The following LRRTM3 variants were observed in gnomAD, a reference collection of about 807,000 sequenced individuals.
LRRTM3 encodes leucine rich repeat transmembrane neuronal 3.
A neutral mutation model predicts 44.7 loss-of-function variants in LRRTM3; 24 were observed. The ratio of observed to expected loss-of-function variants is 0.54; its 90% CI spans 0.39 to 0.76. The LOEUF (loss-of-function observed/expected upper bound fraction) is 0.76, where lower values mean the gene tolerates loss of function less well. Ranked by LOEUF, LRRTM3 falls within the 30% of genes least tolerant of loss-of-function variation. The pLI, the probability that LRRTM3 is intolerant of heterozygous loss-of-function variation, is 0.00. For missense variants in LRRTM3, 587 were observed against 702.2 expected, an observed-to-expected ratio of 0.84 and a Z score of 1.85; for synonymous variants, 277 against 278.7, an observed-to-expected ratio of 0.99 and a Z score of 0.06.
In LRRTM3 at chr10:66,927,281, C is replaced by T; in HGVS notation, c.365C>T (p.Ser122Phe). 6.2e-7 allele frequency: 1 copy of T among 1,614,076 alleles called. No individual in the cohort carries two copies. The highest frequency in any genetic ancestry group is 8.5e-7 in the Non-Finnish European group (1 of 1,180,018). Residue 122 changes from serine to phenylalanine, a missense_variant, in exon 2 of 3, where the codon TCC becomes TTC. Physicochemically the swap from Ser to Phe is radical, Grantham distance 155. This residue lies in a region of LRRTM3 where 222 missense variants were observed against 323.3 expected (regional missense o/e 0.69). Coordinates refer to ENST00000361320, the MANE Select transcript of LRRTM3 (RefSeq NM_178011.5). This position sits in a 1 kb window ranked among gnomAD's most constrained non-coding sequence, Gnocchi z 4.7. Reference protein sequence around the residue: ...KELILSSNRISYFLNNTFRPV... With the variant: ...KELILSSNRIFYFLNNTFRPV... ...CTGATTCTTAGTTCCAATAGAATCT[C>T]CTATTTTCTTAACAATACCTTCAGA...
At chr10:66,948,902 G>C (rs1264573882) in intron 2 of LRRTM3, among the ~76,000 whole-genome samples, 1 of 152,070 alleles carries the variant, frequency 6.6e-6, no homozygotes, top group Non-Finnish European at 1.5e-5. Context: ...TGTCAAGTGT[G>C]GGTCTCTTAA....
At chr10:67,036,246 G>A (rs1296891276) in intron 2 of LRRTM3, among the ~76,000 whole-genome samples, 1 of 151,804 alleles carries the variant, frequency 6.6e-6, no homozygotes, top group East Asian at 1.9e-4. Flanking sequence ...TCAACCTCCT[G>A]GGCTCAAGAG....
rs1014998717 is a variant in LRRTM3, at chr10:66,928,103, C to T, written c.1187C>T (p.Pro396Leu). ...RPKHESKPPL[P>L]PTVGATEPGP... ...AAGCATGAGAGCAAACCCCCTTTGC[C>T]CCCGACGGTGGGAGCCACAGAGCCC... Residue 396 changes from proline to leucine, a missense_variant, in exon 2 of 3, where the codon CCC becomes CTC. Physicochemically the swap from Pro to Leu is moderately conservative, Grantham distance 98. Around this residue, in one of 3 missense-constraint regions of LRRTM3, gnomAD observed 315 missense variants for 335.6 expected, o/e 0.94. Coordinates refer to ENST00000361320, the MANE Select transcript of LRRTM3 (RefSeq NM_178011.5). 3.7e-6 allele frequency: 6 copies of T among 1,614,072 alleles called. No individual in the cohort carries two copies. The South Asian group carries it at 5.5e-5, about 15-fold the overall frequency.
At chr10:67,070,968 A>G (rs1856417302) in intron 2 of LRRTM3, among the ~76,000 whole-genome samples, 5 of 152,186 alleles carry the variant, frequency 3.3e-5, no homozygotes, top group African/African-American at 7.2e-5. Flanking sequence ...TACCTGAGGA[A>G]TTGCAACATG....
chr10:67,036,574 T>C (rs1564846159), intron 2 of LRRTM3, among the ~76,000 whole-genome samples: 1 of 152,150 alleles, frequency 6.6e-6, no homozygotes, highest in Non-Finnish European at 1.5e-5. Context: ...GGTCTCCATG[T>C]TGCCCAGGCT....
intron 2 of LRRTM3, among the ~76,000 whole-genome samples, chr10:67,033,254 G>A (rs555177797): frequency 1.3e-5 from 2 of 152,288 alleles, no homozygotes; most frequent in East Asian, 3.9e-4. Context: ...GAGGCAAAGT[G>A]TTATGTGAGG....
chr10:66,952,033 G>A (rs1013056306), intron 2 of LRRTM3, among the ~76,000 whole-genome samples: 2 of 152,120 alleles, frequency 1.3e-5, no homozygotes, highest in Non-Finnish European at 1.5e-5. Context: ...TTCCAGATCC[G>A]TGACATTCAG....
chr10:67,068,133 A>G lies in LRRTM3; in HGVS notation c.1537-29454A>G, dbSNP rs112718352. Among the ~76,000 whole-genome samples the G allele has an allele frequency of 4.9e-3, 748 of 152,336 alleles. 6 individuals are homozygous for G. The highest frequency in any genetic ancestry group is 0.017 in the African/African-American group (706 of 41,580). ...TTTTTGGAAACTATTTAGAGAAATA[A>G]TGAGAGCTAAACTAAGCTGAGTCAG... On this transcript the variant is annotated intron_variant, in intron 2 of 2. Transcript: ENST00000361320.
chr10:67,034,980 G>C (rs1445318843), intron 2 of LRRTM3, among the ~76,000 whole-genome samples: 1 of 152,116 alleles, frequency 6.6e-6, no homozygotes, highest in African/African-American at 2.4e-5. Flanking sequence ...AGGAACTCTT[G>C]GAAGGCCCCG....
At chr10:66,939,917 C>T (rs939880786) in intron 2 of LRRTM3, among the ~76,000 whole-genome samples, 10 of 152,046 alleles carry the variant, frequency 6.6e-5, no homozygotes, top group Non-Finnish European at 1.5e-4. Flanking sequence ...CTTTGTTATC[C>T]ACTTCATGGT....
At chr10:67,055,030 T>C (rs771492935) in intron 2 of LRRTM3, 2 of 151,828 alleles carry the variant, frequency 1.3e-5, no homozygotes, top group Non-Finnish European at 2.9e-5. Flanking sequence ...ATAAAGAGAC[T>C]CATTAACCAG....
intron 2 of LRRTM3, among the ~76,000 whole-genome samples, chr10:66,986,943 G>T (rs12250966): frequency 0.029 from 4,338 of 152,154 alleles, 199 homozygotes; most frequent in African/African-American, 0.098. Flanking sequence ...TTTGAATAAG[G>T]AGTCAAGGTC....
chr10:67,075,459 C>T (rs1033016590), intron 2 of LRRTM3, among the ~76,000 whole-genome samples: 1 of 152,226 alleles, frequency 6.6e-6, no homozygotes, highest in South Asian at 2.1e-4. Context: ...AAGTAGGACA[C>T]CTGCCACTAT....
chr10:67,071,610 C>T (rs75362264), intron 2 of LRRTM3, among the ~76,000 whole-genome samples: 1,718 of 151,976 alleles, frequency 0.011, 36 homozygotes, highest in African/African-American at 0.039. Context: ...ATTTATCCTG[C>T]TTCAATTTTG....
chr10:67,000,385 A>C (rs1244942766), intron 2 of LRRTM3, among the ~76,000 whole-genome samples: 1 of 152,196 alleles, frequency 6.6e-6, no homozygotes, highest in Non-Finnish European at 1.5e-5. Flanking sequence ...AATTGGCACA[A>C]GAAGGTTAAA....
At position 67,072,433 on chromosome 10, in the gene LRRTM3, T is replaced by A. The variant is rs145431284; in HGVS notation, c.1537-25154T>A. On this transcript the variant is annotated intron_variant, in intron 2 of 2. Transcript: ENST00000361320. ...TCATGTAGTTTCACCTATTTGTATG[T>A]CTACGTACTCTTTTATTGTATGATA... Among the ~76,000 whole-genome samples, 914 of 152,366 alleles carry A rather than the reference T, an allele frequency of 6.0e-3. 8 individuals are homozygous for A. The highest frequency in any genetic ancestry group is 0.021 in the African/African-American group (857 of 41,594).
At chr10:67,006,676 C>T (rs1852009944) in intron 2 of LRRTM3, among the ~76,000 whole-genome samples, 1 of 151,950 alleles carries the variant, frequency 6.6e-6, no homozygotes, top group Non-Finnish European at 1.5e-5. Context: ...ATTATGATGC[C>T]ATCAGCACAC....
At chr10:67,094,774 A>C (rs1276683240) in intron 2 of LRRTM3, among the ~76,000 whole-genome samples, 2 of 151,864 alleles carry the variant, frequency 1.3e-5, no homozygotes, top group African/African-American at 4.8e-5. Flanking sequence ...AATATTCATA[A>C]TTCAACAAAG....
intron 2 of LRRTM3, among the ~76,000 whole-genome samples, chr10:67,079,618 G>T (rs990678227): frequency 1.3e-5 from 2 of 152,108 alleles, no homozygotes; most frequent in Admixed American, 6.5e-5. Context: ...GGGAGGCCAA[G>T]GTGGGCAGAT....
Sources: gnomAD v4.1 joint callset for allele counts (sites outside exome capture counted in the v4.1 genomes callset) on GRCh38, gnomAD v4.1.1 for gene constraint, gnomAD v4.1.1 regional missense constraint, Gnocchi (gnomAD v3.1) non-coding constraint, MANE v1.5 for transcripts, NCBI Gene and HGNC (gene_info 2026-07-23, HGNC 2026-07-21) for gene names.